Variants in SERPINB8 observed in about 807,000 individuals in gnomAD.
The protein encoded by SERPINB8 is serpin family B member 8.
Under a neutral mutation model 35.3 loss-of-function variants are expected in SERPINB8, and 25 were observed. The observed-to-expected ratio is 0.71, with a 90% confidence interval of 0.52 to 0.99. The LOEUF is 0.99. Among genes scored for constraint, SERPINB8 ranks in the 50% least tolerant of loss-of-function variants. SERPINB8 has a pLI of 0.00. For synonymous variants in SERPINB8, 186 were observed against 160.8 expected, an observed-to-expected ratio of 1.16 and a Z score of -1.19; for missense variants, 484 against 446.5, an observed-to-expected ratio of 1.08 and a Z score of -0.76.
At chr18:63,985,021 T>G in intron 5 of SERPINB8, 72 bp from the exon 6 acceptor site, 107 of 1,481,560 alleles carry the variant, frequency 7.2e-5, no homozygotes, top group African/African-American at 8.4e-5. Flanking sequence ...AGAGTTTCTG[T>G]GAGTTAGATA....
At chr18:63,979,494 C>T (rs1209727404) in intron 2 of SERPINB8, among the ~76,000 whole-genome samples, 2 of 152,054 alleles carry the variant, frequency 1.3e-5, no homozygotes, top group Non-Finnish European at 2.9e-5. Flanking sequence ...ATTTTTCCTT[C>T]CTGGGGACCC....
downstream of SERPINB8, among the ~76,000 whole-genome samples, chr18:63,993,204 A>G (rs890381204): frequency 2.5e-4 from 38 of 152,174 alleles, no homozygotes; most frequent in African/African-American, 8.0e-4. Flanking sequence ...TACCACCATA[A>G]AAAATTTCCC....
intron 1 of SERPINB8, among the ~76,000 whole-genome samples, chr18:63,995,663 T>G: frequency 6.6e-6 from 1 of 152,334 alleles, no homozygotes; most frequent in South Asian, 2.1e-4. Context: ...TGTACCCAAT[T>G]ACTGTCGCCT....
intron 1 of SERPINB8, among the ~76,000 whole-genome samples, chr18:63,977,085 A>G (rs1026955873): frequency 7.9e-5 from 12 of 152,122 alleles, no homozygotes; most frequent in Non-Finnish European, 1.5e-4. Context: ...TATAGATTAT[A>G]TTGGAGACAT....
At chr18:64,008,589 A>T (rs10871806), downstream of SERPINB8, among the ~76,000 whole-genome samples, 2 of 151,562 alleles carry the variant, frequency 1.3e-5, no homozygotes, top group African/African-American at 4.9e-5. Flanking sequence ...TTTTGGCCAG[A>T]ACAATATACA....
chr18:64,001,767 G>A (rs2050876480), intron 1 of SERPINB8, among the ~76,000 whole-genome samples: 1 of 152,130 alleles, frequency 6.6e-6, no homozygotes. Context: ...GGTTACAGGC[G>A]TGAGCCACCG....
At chr18:63,981,879 A>G (rs762043628) in intron 4 of SERPINB8, 41 bp downstream of exon 4, 25 of 1,421,830 alleles carry the variant, frequency 1.8e-5, no homozygotes, top group African/African-American at 2.8e-5. Context: ...ATTACTATAC[A>G]ACGAGGCTTA....
exon 8 of SERPINB8, chr18:64,019,360 G>A (rs2050965362): frequency 2.6e-5 from 4 of 152,160 alleles, no homozygotes; most frequent in African/African-American, 9.7e-5. Context: ...TCATCTCTCT[G>A]TACCTAGGGC....
At chr18:63,976,640 C>T (rs559102972) in intron 1 of SERPINB8, among the ~76,000 whole-genome samples, 24 of 152,246 alleles carry the variant, frequency 1.6e-4, no homozygotes, top group African/African-American at 5.5e-4. Context: ...GAAGAAAGGG[C>T]CTAGAGGCAG....
downstream of SERPINB8, among the ~76,000 whole-genome samples, chr18:64,006,563 C>T (rs1436647942): frequency 6.6e-6 from 1 of 152,168 alleles, no homozygotes. Context: ...TGCAAACTGC[C>T]AGCCTCAAGA....
chr18:63,990,400 G>T (rs1434783771), downstream of SERPINB8, among the ~76,000 whole-genome samples: 1 of 152,064 alleles, frequency 6.6e-6, no homozygotes, highest in Non-Finnish European at 1.5e-5. Flanking sequence ...TGTATTTTGA[G>T]AAATCTCGTG....
intron 1 of SERPINB8, among the ~76,000 whole-genome samples, chr18:64,001,254 A>AT (rs1219746059): frequency 3.9e-5 from 6 of 152,282 alleles, no homozygotes; most frequent in African/African-American, 1.2e-4. Flanking sequence ...AAGGAAGTGA[A>AT]TTTTTTTATA....
downstream of SERPINB8, among the ~76,000 whole-genome samples, chr18:64,008,060 T>A (rs1023236153): frequency 1.3e-5 from 2 of 152,188 alleles, no homozygotes; most frequent in Non-Finnish European, 2.9e-5. Context: ...GTATTTTGTA[T>A]CATAAAATGT....
In SERPINB8 at chr18:63,987,471, G is replaced by A. The variant is rs2050779482; in HGVS notation, c.*193G>A. On this transcript the variant is annotated 3_prime_UTR_variant, in exon 7 of 7. Transcript: ENST00000397985. ...GAGGCCGCAGATGCATGAAATTTGG[G>A]CCTGGGAAGGCTATGCTGGTTTTGG... The A allele has an allele frequency of 1.6e-6, 1 of 609,870 alleles. No homozygotes were observed. The highest frequency in any genetic ancestry group is 2.9e-5 in the East Asian group (1 of 34,664). The allele number at this position is 609,870 out of a possible 1,614,324, so 37.8% of individuals were successfully genotyped here.
chr18:64,016,960 G>T (rs1403145345), intron 7 of SERPINB8, among the ~76,000 whole-genome samples: 3 of 152,130 alleles, frequency 2.0e-5, no homozygotes, highest in Admixed American at 2.0e-4. Flanking sequence ...AGAAATAGCA[G>T]CATCATCCTT....
Position 64,001,471 on chromosome 18 carries a change from G to GTTTA in SERPINB8, c.71-3345_71-3344insATTT, listed in dbSNP as rs1385181572. Reference sequence around the variant, plus strand: ...GCTTTCTTTTCTTTTCTGTTTGTTTGTTTGTTTATTTATTTATTTATTTAT... The same window carrying GTTTA: ...GCTTTCTTTTCTTTTCTGTTTGTTTGTTTATTTGTTTATTTATTTATTTATTTAT... On this transcript the variant is annotated intron_variant, in intron 1 of 1. Coordinates refer to the SERPINB8 transcript ENST00000493661. Among the ~76,000 whole-genome samples, 20 of 111,936 alleles carry GTTTA rather than the reference G, an allele frequency of 1.8e-4. No homozygotes were observed. The South Asian group carries it at 3.3e-3, about 18-fold the overall frequency. The allele number at this position is 111,936 out of a possible 152,430, so 73.4% of individuals were successfully genotyped here. A position where few individuals can be genotyped will look rare whatever the true frequency, so the allele number is the denominator to read the frequency against.
intron 7 of SERPINB8, among the ~76,000 whole-genome samples, chr18:64,016,570 A>T (rs1190454799): frequency 6.6e-6 from 1 of 152,218 alleles, no homozygotes; most frequent in Admixed American, 6.5e-5. Flanking sequence ...AGTCACAAAG[A>T]TTCAATATTT....
chr18:64,008,560 T>C (rs2050911188), downstream of SERPINB8, among the ~76,000 whole-genome samples: 1 of 152,024 alleles, frequency 6.6e-6, no homozygotes, highest in South Asian at 2.1e-4. Flanking sequence ...ATTACTCTTA[T>C]TCAGTAGTGA....
chr18:63,975,594 C>T (rs768217364), intron 1 of SERPINB8, among the ~76,000 whole-genome samples: 3 of 152,156 alleles, frequency 2.0e-5, no homozygotes, highest in Non-Finnish European at 4.4e-5. Context: ...AACCATAACC[C>T]TAACCCTACT....
Sources: gnomAD v4.1 joint callset for allele counts (sites outside exome capture counted in the v4.1 genomes callset) on GRCh38, gnomAD v4.1.1 for gene constraint, MANE v1.5 for transcripts, NCBI Gene and HGNC (gene_info 2026-07-23, HGNC 2026-07-21) for gene names.